The following TLE1 variants were observed in gnomAD, a reference collection of about 807,000 sequenced individuals.
The protein encoded by TLE1 is transducin-like enhancer protein 1.
TLE1 carries 21 observed loss-of-function variants against 89.8 expected under a neutral mutation model. That is an observed-to-expected ratio of 0.23 (90% CI 0.17 to 0.34). The LOEUF (loss-of-function observed/expected upper bound fraction) is 0.34. Among genes scored for constraint, TLE1 ranks in the 10% least tolerant of loss-of-function variants. The pLI is 1.00. For missense variants in TLE1, 795 were observed against 1,031.2 expected (o/e 0.77, Z 3.14); for synonymous variants, 447 against 407.6 (o/e 1.10, Z -1.16).
At chr9:81,630,532 A>G (rs1220749274) in intron 8 of TLE1, among the ~76,000 whole-genome samples, 1 of 152,242 alleles carries the variant, frequency 6.6e-6, no homozygotes, top group Non-Finnish European at 1.5e-5. Flanking sequence ...ATATTAACCT[A>G]GTAAATATCA....
chr9:81,685,985 C>A, intron 2 of TLE1, 89 bp from the exon 3 acceptor site: 1 of 1,434,760 alleles, frequency 7.0e-7, no homozygotes, highest in East Asian at 2.3e-5. Context: ...AGTAAAAACA[C>A]AGACCAATTT....
chr9:81,606,740 C>T (rs1831712843), intron 14 of TLE1, among the ~76,000 whole-genome samples: 1 of 150,868 alleles, frequency 6.6e-6, no homozygotes, highest in Non-Finnish European at 1.5e-5. Flanking sequence ...CAAACCTGAA[C>T]ATTGTACACA....
At chr9:81,683,439 G>A (rs1347657611) in intron 4 of TLE1, among the ~76,000 whole-genome samples, 1 of 151,968 alleles carries the variant, frequency 6.6e-6, no homozygotes, top group Non-Finnish European at 1.5e-5. Context: ...GAGCACTTAG[G>A]CCATGCTGGT....
intron 1 of TLE1, among the ~76,000 whole-genome samples, chr9:81,687,982 G>A (rs891277042): frequency 6.6e-6 from 1 of 152,048 alleles, no homozygotes; most frequent in Admixed American, 6.5e-5. Context: ...CTTCCCCAGC[G>A]CCCCTGTCCG....
At chr9:81,638,204 C>T (rs903649808) in intron 6 of TLE1, among the ~76,000 whole-genome samples, 17 of 152,160 alleles carry the variant, frequency 1.1e-4, no homozygotes, top group Non-Finnish European at 1.9e-4. Flanking sequence ...CTCCTGTCCC[C>T]CCTTCTCAAT....
intron 4 of TLE1, among the ~76,000 whole-genome samples, chr9:81,654,347 A>G (rs990932930): frequency 6.6e-6 from 1 of 151,954 alleles, no homozygotes; most frequent in Non-Finnish European, 1.5e-5. Flanking sequence ...ACACATATAT[A>G]TATGTATTTT....
chr9:81,609,308 C>T (rs1237233968), intron 14 of TLE1, among the ~76,000 whole-genome samples: 2 of 152,152 alleles, frequency 1.3e-5, no homozygotes, highest in East Asian at 3.9e-4. Flanking sequence ...TGGTCTCGAA[C>T]CCCCGACCTC....
intron 1 of TLE1, 92 bp downstream of exon 1, chr9:81,688,125 C>A (rs544053643): frequency 1.3e-6 from 2 of 1,523,132 alleles, no homozygotes; most frequent in South Asian, 1.2e-5. Context: ...AGAAGGTCCG[C>A]CGGGCCTCAG....
At chr9:81,615,118 A>C (rs1399436415) in intron 11 of TLE1, among the ~76,000 whole-genome samples, 1 of 125,934 alleles carries the variant, frequency 7.9e-6, no homozygotes, top group Non-Finnish European at 1.6e-5. Context: ...AAAAAAAAAA[A>C]AAAGAAGAAG....
Position 81,633,340 on chromosome 9 carries a change from G to A in TLE1, c.594+8C>T, listed in dbSNP as rs1826947134. 6.2e-7 allele frequency: 1 copy of A among 1,610,068 alleles called. No individual in the cohort carries two copies. Among genetic ancestry groups the A allele is most frequent in the African/African-American group, 1.3e-5 (1 of 74,406 alleles). On this transcript the variant is annotated splice_region_variant and intron_variant, in intron 8 of 19. Coordinates refer to ENST00000376499, the MANE Select transcript of TLE1 (RefSeq NM_005077.5). The stretch of plus-strand genomic sequence containing the variant: ...GTGTGTGTGTGCAGCAGGCGTTTGA[G>A]TACTTACTGTGCCCGGCTCTCTGTC...
chr9:81,615,330 GAAA>G (rs1176268015), intron 11 of TLE1, among the ~76,000 whole-genome samples: 1 of 126,742 alleles, frequency 7.9e-6, no homozygotes, highest in Admixed American at 8.0e-5. Context: ...CTCCGTCTCA[GAAA>G]AAAAAAAAAA....
rs1351715451 is a variant in TLE1, at chr9:81,685,857, T to G, written c.165A>C (p.Thr55=). The G allele has an allele frequency of 1.7e-5, 28 of 1,613,834 alleles. No individual in the cohort carries two copies. The Admixed American group carries it at 3.8e-4, about 22-fold the overall frequency. The change falls in exon 3 of 20, where the codon ACA becomes ACC. Residue 55 remains threonine, a synonymous_variant. Transcript: ENST00000376499. ...CCATCACATAGTGCCTCTGCATTTC[T>G]GTCTTTTCACTTGCCAGTTTCTCAC... ...LECEKLASEK[T]EMQRHYVMYY...
chr9:81,678,822 A>G (rs1437873865), intron 4 of TLE1, among the ~76,000 whole-genome samples: 1 of 151,530 alleles, frequency 6.6e-6, no homozygotes, highest in Admixed American at 6.6e-5. Context: ...CCTGGATGAC[A>G]GAGCAAGACT....
chr9:81,634,192 C>T lies in TLE1; in HGVS notation c.482G>A (p.Ser161Asn), dbSNP rs1194842736. 1.3e-6 allele frequency: 2 copies of T among 1,593,130 alleles called. No individual in the cohort carries two copies. The highest frequency in any genetic ancestry group is 1.3e-5 in the African/African-American group (1 of 74,816). The change falls in exon 7 of 20, where the codon AGT (serine) becomes AAT (asparagine). Residue 161 changes from serine to asparagine, a missense_variant. Ser to Asn is a conservative substitution (Grantham distance 46). This residue lies in a region of TLE1 where 468 missense variants were observed against 509.1 expected (regional missense o/e 0.92). Coordinates refer to ENST00000376499, the MANE Select transcript of TLE1 (RefSeq NM_005077.5). ...ACTAGACAGCGCAAGAAGGCCGGCACTGCCCCCGAGGGGCGGGATTCCAGG... is the reference window on the plus strand; with the variant it reads ...ACTAGACAGCGCAAGAAGGCCGGCATTGCCCCCGAGGGGCGGGATTCCAGG... The part of the protein sequence containing the change: ...QPPGIPPLGG[S>N]AGLLALSSAL...
chr9:81,627,144 CCTT>C (rs375158435), intron 8 of TLE1, among the ~76,000 whole-genome samples: 23 of 152,174 alleles, frequency 1.5e-4, no homozygotes, highest in African/African-American at 4.1e-4. Context: ...ATTTATACCT[CCTT>C]ATCTCAAAGA....
rs370578171 is a variant in TLE1, at chr9:81,633,587, A to AT, written c.578-224dup. 1,657 of 609,036 alleles carry AT rather than the reference A, an allele frequency of 2.7e-3. 21 individuals carry two copies. Among genetic ancestry groups the AT allele is most frequent in the African/African-American group, 0.026 (1,414 of 54,804 alleles). 37.7% of individuals were successfully genotyped at this position (609,036 alleles called of 1,614,324 possible). A position where few individuals can be genotyped will look rare whatever the true frequency, so the allele number is the denominator to read the frequency against. On this transcript the variant is annotated intron_variant, in intron 7 of 19. Coordinates refer to ENST00000376499, the MANE Select transcript of TLE1 (RefSeq NM_005077.5). ...TACAGTTTAACCATACACAAAGCCTATTTTTTTATTTCTTGACAGAATAAA... is the reference window on the plus strand; with the variant it reads ...TACAGTTTAACCATACACAAAGCCTATTTTTTTTATTTCTTGACAGAATAAA...
intron 6 of TLE1, among the ~76,000 whole-genome samples, chr9:81,639,944 G>C (rs1310200869): frequency 6.6e-6 from 1 of 152,062 alleles, no homozygotes; most frequent in African/African-American, 2.4e-5. Flanking sequence ...TGGTTTCTCA[G>C]GCTATGATTC....
At chr9:81,683,023 A>G (rs1415249476) in intron 4 of TLE1, among the ~76,000 whole-genome samples, 1 of 152,204 alleles carries the variant, frequency 6.6e-6, no homozygotes. Flanking sequence ...GGAAACCACA[A>G]TTATACCATT....
chr9:81,627,600 AG>A (rs2132272759), intron 8 of TLE1, among the ~76,000 whole-genome samples: 1 of 152,346 alleles, frequency 6.6e-6, no homozygotes, highest in Admixed American at 6.5e-5. Context: ...AAACCTGCCC[AG>A]GAGTCTGCTT....
Sources: gnomAD v4.1 joint callset for allele counts (sites outside exome capture counted in the v4.1 genomes callset) on GRCh38, gnomAD v4.1.1 for gene constraint, gnomAD v4.1.1 regional missense constraint, MANE v1.5 for transcripts, NCBI Gene and HGNC (gene_info 2026-07-23, HGNC 2026-07-21) for gene names.